The following GABPB1 variants were observed in gnomAD, a reference collection of about 807,000 sequenced individuals.
The protein encoded by GABPB1 is GA binding protein transcription factor subunit beta 1.
Under a neutral mutation model 45.9 loss-of-function variants are expected in GABPB1, and 15 were observed. The observed-to-expected ratio is 0.33, with a 90% CI of 0.22 to 0.50. The LOEUF (loss-of-function observed/expected upper bound fraction) is 0.50. GABPB1 is among the 20% of genes least tolerant of loss of function. The probability of loss-of-function intolerance (pLI) is 0.98; values close to 1 mark genes in which losing one functional copy is unlikely to be tolerated. For missense variants in GABPB1, 252 were observed against 457.5 expected, an observed-to-expected ratio of 0.55 and a Z score of 4.10; for synonymous variants, 143 against 154.4, an observed-to-expected ratio of 0.93 and a Z score of 0.55.
chr15:50,313,167 G>A (rs536442707), intron 1 of GABPB1, among the ~76,000 whole-genome samples: 1 of 152,210 alleles, frequency 6.6e-6, no homozygotes, highest in East Asian at 1.9e-4. Context: ...AAATGAAAAG[G>A]TGGGGGAAAA....
chr15:50,292,009 T>C (rs1362776065), intron 6 of GABPB1, among the ~76,000 whole-genome samples: 1 of 151,140 alleles, frequency 6.6e-6, no homozygotes, highest in Non-Finnish European at 1.5e-5. Context: ...TAGAAAGACA[T>C]CTAGTTAACA....
chr15:50,317,100 AG>A (rs2047359297), intron 1 of GABPB1, among the ~76,000 whole-genome samples: 1 of 152,280 alleles, frequency 6.6e-6, no homozygotes, highest in African/African-American at 2.4e-5. Flanking sequence ...TGATCTTAAT[AG>A]AAAAACACTT....
At chr15:50,331,383 T>C (rs1208771782) in intron 1 of GABPB1, among the ~76,000 whole-genome samples, 1 of 152,246 alleles carries the variant, frequency 6.6e-6, no homozygotes, top group Non-Finnish European at 1.5e-5. Flanking sequence ...TAAATTCCTT[T>C]TCTGTTAAAT....
chr15:50,293,913 C>T (rs953796490), intron 6 of GABPB1, among the ~76,000 whole-genome samples: 1 of 152,054 alleles, frequency 6.6e-6, no homozygotes, highest in African/African-American at 2.4e-5. Context: ...AATGTTGAAA[C>T]ACTAAAAGAG....
At chr15:50,303,158 G>C (rs762114003) in intron 3 of GABPB1, 35 bp from the exon 4 acceptor site, 10 of 1,488,786 alleles carry the variant, frequency 6.7e-6, no homozygotes, top group African/African-American at 1.4e-5. Flanking sequence ...ACTAAAATAT[G>C]AAATATCACA....
intron 7 of GABPB1, among the ~76,000 whole-genome samples, chr15:50,287,820 T>C (rs1055366180): frequency 2.6e-5 from 4 of 152,208 alleles, no homozygotes; most frequent in Non-Finnish European, 4.4e-5. Context: ...AGACCAGCTA[T>C]CAGCAGAAGA....
Position 50,277,756 on chromosome 15 carries a change from T to C in GABPB1, c.*876A>G, listed in dbSNP as rs2045864903. ...TTAAAGTGCTTTCATGTGGAAATCA[T>C]GATGGAAGGCACAGAATACAGTTTC... is the stretch of plus-strand genomic sequence containing the variant. On this transcript the variant is annotated 3_prime_UTR_variant, in exon 9 of 9. Coordinates refer to ENST00000380877, the MANE Select transcript of GABPB1 (RefSeq NM_016654.5). The C allele has an allele frequency of 6.6e-6, 1 of 152,612 alleles. No individual in the cohort carries two copies. Among genetic ancestry groups the C allele is most frequent in the East Asian group, 1.9e-4 (1 of 5,200 alleles). The allele number at this position is 152,612 out of a possible 1,614,324, so 9.5% of individuals were successfully genotyped here. A position where few individuals can be genotyped will look rare whatever the true frequency, so the allele number is the denominator to read the frequency against.
chr15:50,309,732 G>T lies in GABPB1; in HGVS notation c.67C>A (p.Arg23Ser), dbSNP rs139444439. The T allele has an allele frequency of 6.2e-7, 1 of 1,612,508 alleles. No homozygotes were observed. The highest frequency in any genetic ancestry group is 8.5e-7 in the Non-Finnish European group (1 of 1,178,732). The change falls in exon 2 of 9, where the codon CGT becomes AGT. Residue 23 changes from arginine (R) to serine (S), a missense_variant. Arg to Ser is a moderately radical substitution (Grantham distance 110, BLOSUM62 -1). Around this residue, in one of 4 missense-constraint regions of GABPB1, gnomAD observed 35 missense variants for 143.7 expected, o/e 0.24. Transcript: ENST00000380877. ...GGAGCTCCATTTGCCATCAAAATAC[G>T]AACTTCATCATCTTGACCTGCTCGT... ...AARAGQDDEV[R>S]ILMANGAPFT... is the part of the protein sequence containing the mutation.
chr15:50,305,598 C>A (rs1487095178), intron 2 of GABPB1, among the ~76,000 whole-genome samples: 2 of 152,146 alleles, frequency 1.3e-5, no homozygotes, highest in Non-Finnish European at 2.9e-5. Context: ...CATGCTTTGT[C>A]AATTTTTCTT....
At position 50,279,336 on chromosome 15, in the gene GABPB1, T is replaced by C. The variant is rs79890516; in HGVS notation, c.1000-552A>G. 2.3e-4 allele frequency among the ~76,000 whole-genome samples: 35 copies of C among 152,292 alleles called. No homozygotes were observed. The East Asian group carries it at 6.6e-3, about 29-fold the overall frequency. On this transcript the variant is annotated intron_variant, in intron 8 of 8. Transcript: ENST00000380877. ...TAGTAAGAAGTTGGATTTATAGGGT[T>C]CTAACATTACTGCTTTTAAAACTAT... is the stretch of plus-strand genomic sequence containing the variant.
At chr15:50,325,931 A>G (rs556476939) in intron 1 of GABPB1, among the ~76,000 whole-genome samples, 5 of 140,292 alleles carry the variant, frequency 3.6e-5, no homozygotes, top group African/African-American at 1.1e-4. Flanking sequence ...TTTTTAAGAC[A>G]GAGTCTGGCT....
At chr15:50,323,404 T>G (rs931253137) in intron 1 of GABPB1, among the ~76,000 whole-genome samples, 10 of 152,206 alleles carry the variant, frequency 6.6e-5, no homozygotes, top group African/African-American at 2.2e-4. Context: ...ACAACATACA[T>G]GCCCTTTATT....
At chr15:50,316,021 C>T (rs2047314894) in intron 1 of GABPB1, among the ~76,000 whole-genome samples, 1 of 152,148 alleles carries the variant, frequency 6.6e-6, no homozygotes, top group African/African-American at 2.4e-5. Flanking sequence ...CAAGATTGCT[C>T]CACTGCACTC....
chr15:50,288,749 G>A (rs571657123), intron 7 of GABPB1, among the ~76,000 whole-genome samples: 1 of 152,206 alleles, frequency 6.6e-6, no homozygotes, highest in African/African-American at 2.4e-5. Context: ...GTTTCCAAAA[G>A]GAGAAAAATG....
At chr15:50,282,098 G>A (rs2045994790) in intron 8 of GABPB1, among the ~76,000 whole-genome samples, 1 of 152,192 alleles carries the variant, frequency 6.6e-6, no homozygotes, top group African/African-American at 2.4e-5. Flanking sequence ...TCAAGAGGCT[G>A]TGAGGTGGGA....
intron 1 of GABPB1, among the ~76,000 whole-genome samples, chr15:50,335,915 A>AAGAAG (rs60560307): frequency 9.6e-6 from 1 of 104,490 alleles, no homozygotes; most frequent in African/African-American, 4.1e-5. Flanking sequence ...AAAAAAAAAA[A>AAGAAG]AAGAAGACTG....
At chr15:50,346,190 CCT>C (rs777990400) in intron 1 of GABPB1, among the ~76,000 whole-genome samples, 9 of 151,928 alleles carry the variant, frequency 5.9e-5, no homozygotes, top group Admixed American at 2.0e-4. Flanking sequence ...AAGCTTGTAC[CCT>C]GTTTTCCTTT....
At chr15:50,291,702 T>C (rs568264674) in intron 6 of GABPB1, among the ~76,000 whole-genome samples, 1 of 151,914 alleles carries the variant, frequency 6.6e-6, no homozygotes, top group Admixed American at 6.5e-5. Context: ...GGATGATCAC[T>C]TGAGCCCAGG....
intron 1 of GABPB1, among the ~76,000 whole-genome samples, chr15:50,330,725 G>A (rs913738916): frequency 6.6e-6 from 1 of 152,084 alleles, no homozygotes; most frequent in African/African-American, 2.4e-5. Context: ...AACTTTCTAA[G>A]ATGAGCTCTT....
Sources: allele counts gnomAD v4.1 joint callset (sites outside exome capture counted in the v4.1 genomes callset), GRCh38; gene constraint gnomAD v4.1.1; regional missense constraint gnomAD v4.1.1; transcripts MANE v1.5; gene names NCBI Gene and HGNC (gene_info 2026-07-23, HGNC 2026-07-21).